Variants in SFXN1 observed in about 807,000 individuals in gnomAD.
The protein encoded by SFXN1 is sideroflexin 1.
In SFXN1, 32 loss-of-function variants were observed where a neutral mutation model predicts 39.5. The ratio of observed to expected loss-of-function variants is 0.81; its 90% confidence interval spans 0.61 to 1.09. SFXN1 has a LOEUF of 1.09. Among genes scored for constraint, SFXN1 ranks in the 50% least tolerant of loss-of-function variants. The pLI, the probability that SFXN1 is intolerant of heterozygous loss-of-function variation, is 0.00. For synonymous variants in SFXN1, 136 were observed against 146.5 expected (o/e 0.93, Z 0.52); for missense variants, 402 against 407.1 (o/e 0.99, Z 0.11).
intron 1 of SFXN1, among the ~76,000 whole-genome samples, chr5:175,479,496 AC>A (rs967938479): frequency 6.6e-6 from 1 of 151,592 alleles, no homozygotes. Context: ...CTAAAATTGC[AC>A]CCCCCATCCC....
intron 2 of SFXN1, among the ~76,000 whole-genome samples, chr5:175,503,693 A>G (rs919829503): frequency 1.3e-5 from 2 of 152,298 alleles, no homozygotes; most frequent in Admixed American, 6.5e-5. Context: ...TGAACTTCCC[A>G]AAAAGACCTC....
At chr5:175,481,192 AT>A (rs768840797) in intron 1 of SFXN1, among the ~76,000 whole-genome samples, 1 of 151,818 alleles carries the variant, frequency 6.6e-6, no homozygotes, top group Non-Finnish European at 1.5e-5. Flanking sequence ...AAATCAGAAG[AT>A]TTTTTTTTAA....
intron 2 of SFXN1, among the ~76,000 whole-genome samples, chr5:175,493,965 G>A (rs150126289): frequency 1.7e-3 from 257 of 152,284 alleles, no homozygotes; most frequent in African/African-American, 6.0e-3. Flanking sequence ...AGGCCAGGCC[G>A]TGGACTGGTG....
chr5:175,526,665 C>A lies in SFXN1; in HGVS notation c.900C>A (p.Ala300=), dbSNP rs763997548. The change falls in exon 11 of 11, where the codon GCC becomes GCA. Residue 300 remains alanine (A), a synonymous_variant. Transcript: ENST00000321442. ...CCATGTCTGTGACAAGCTTGGAGGC[C>A]GAGTTGCAAGCTAAGATCCAAGAGA... is the stretch of plus-strand genomic sequence containing the variant. ...KSSMSVTSLE[A]ELQAKIQESH... is the part of the protein sequence containing the mutation. 11 of 1,614,032 alleles carry A rather than the reference C, an allele frequency of 6.8e-6. No individual in the cohort carries two copies. The highest frequency in any genetic ancestry group is 1.7e-5 in the Admixed American group (1 of 60,008).
At chr5:175,508,905 G>C (rs1299943194) in intron 2 of SFXN1, 127 bp from the exon 3 acceptor site, 2 of 795,876 alleles carry the variant, frequency 2.5e-6, no homozygotes, top group Non-Finnish European at 3.9e-6. Context: ...AAAGTGCTGG[G>C]ATTACAGACG....
chr5:175,509,327 A>G lies in SFXN1; in HGVS notation c.335+125A>G, dbSNP rs896958500. The G allele has an allele frequency of 5.6e-6, 5 of 898,866 alleles. No homozygotes were observed. The African/African-American group carries it at 8.7e-5, about 16-fold the overall frequency. The allele number at this position is 898,866 out of a possible 1,614,324, so 55.7% of individuals were successfully genotyped here. A position where few individuals can be genotyped will look rare whatever the true frequency, so the allele number is the denominator to read the frequency against. On this transcript the variant is annotated intron_variant, in intron 3 of 10. Transcript: ENST00000321442. Reference sequence around the variant, plus strand: ...AAGTATATGAAGTGACAAACAAGGTAATTAGCTTGATTGAATCATTCCGTA... The same window carrying G: ...AAGTATATGAAGTGACAAACAAGGTGATTAGCTTGATTGAATCATTCCGTA...
chr5:175,478,577 T>C lies in SFXN1; in HGVS notation c.-72T>C, dbSNP rs1196987524. On this transcript the variant is annotated 5_prime_UTR_variant, in exon 1 of 11. Transcript: ENST00000321442. ...GCCGTGGCGGGAGAAGCGTTTCCGG[T>C]GGCGGCGGAGGCTGCACTGAGCGGG... The C allele has an allele frequency of 6.6e-6, 1 of 151,096 alleles. No individual in the cohort carries two copies. Among genetic ancestry groups the C allele is most frequent in the Non-Finnish European group, 1.5e-5 (1 of 67,754 alleles). 9.4% of individuals were successfully genotyped at this position (151,096 alleles called of 1,614,324 possible). A position where few individuals can be genotyped will look rare whatever the true frequency, so the allele number is the denominator to read the frequency against.
intron 2 of SFXN1, among the ~76,000 whole-genome samples, chr5:175,493,142 A>G (rs906448146): frequency 6.6e-5 from 10 of 151,910 alleles, no homozygotes; most frequent in African/African-American, 2.4e-4. Context: ...AGTCCCAGCT[A>G]CTCGGGAGGC....
chr5:175,506,409 A>T (rs1162027700), intron 2 of SFXN1, among the ~76,000 whole-genome samples: 1 of 152,250 alleles, frequency 6.6e-6, no homozygotes, highest in Non-Finnish European at 1.5e-5. Flanking sequence ...CTAGTCAAGT[A>T]GAGAAAAAAG....
chr5:175,496,712 G>A (rs764300535), intron 2 of SFXN1, among the ~76,000 whole-genome samples: 4 of 152,132 alleles, frequency 2.6e-5, no homozygotes, highest in Non-Finnish European at 4.4e-5. Flanking sequence ...CCTGAAGCTT[G>A]CATGATGTAA....
intron 1 of SFXN1, 74 bp from the exon 2 acceptor site, chr5:175,492,021 G>T: frequency 8.5e-7 from 1 of 1,171,552 alleles, no homozygotes; most frequent in Non-Finnish European, 1.2e-6. Flanking sequence ...AAAAATTTAA[G>T]GTGACTGTAA....
chr5:175,522,603 G>C (rs1410300684), intron 10 of SFXN1, 181 bp downstream of exon 10: 1 of 530,100 alleles, frequency 1.9e-6, no homozygotes. Context: ...TCTAATTTCA[G>C]ATGCACCCAG....
At position 175,517,324 on chromosome 5, in the gene SFXN1, C is replaced by T. The variant is rs144256208; in HGVS notation, c.774+661C>T. 6.7e-3 allele frequency among the ~76,000 whole-genome samples: 1,024 copies of T among 152,050 alleles called. 12 individuals carry two copies. The highest frequency in any genetic ancestry group is 0.023 in the African/African-American group (967 of 41,462). On this transcript the variant is annotated intron_variant, in intron 8 of 10. Coordinates refer to ENST00000321442, the MANE Select transcript of SFXN1 (RefSeq NM_022754.7). Reference sequence around the variant, plus strand: ...TTTTTAGCTTTGCTTGATATTGTACCCTTTGATCATCATTTGGAAGTGTGC... The same window carrying T: ...TTTTTAGCTTTGCTTGATATTGTACTCTTTGATCATCATTTGGAAGTGTGC...
chr5:175,517,375 G>T, intron 8 of SFXN1, among the ~76,000 whole-genome samples: 1 of 151,932 alleles, frequency 6.6e-6, no homozygotes, highest in Non-Finnish European at 1.5e-5. Context: ...TCCCACCGAA[G>T]CCCCCTACCT....
intron 1 of SFXN1, among the ~76,000 whole-genome samples, chr5:175,485,333 G>T (rs2113260491): frequency 6.6e-6 from 1 of 152,340 alleles, no homozygotes; most frequent in South Asian, 2.1e-4. Context: ...GAGGTCAGAA[G>T]TCTAGAACAA....
chr5:175,522,412 C>T lies in SFXN1; in HGVS notation c.862C>T (p.Pro288Ser). 1.2e-6 allele frequency: 2 copies of T among 1,611,358 alleles called. No individual in the cohort carries two copies. Among genetic ancestry groups the T allele is most frequent in the Non-Finnish European group, 8.5e-7 (1 of 1,179,448 alleles). Residue 288 changes from proline to serine, a missense_variant, in exon 10 of 11, where the codon CCT (proline) becomes TCT (serine). Physicochemically the swap from Pro to Ser is moderately conservative, Grantham distance 74. Transcript: ENST00000321442. Reference protein sequence around the residue: ...FATPLCCALFPQKSSMSVTSL... With the variant: ...FATPLCCALFSQKSSMSVTSL... ...TACACCCCTGTGTTGTGCCCTGTTT[C>T]CTCAGAAAAGGTATGTATTTGTTAT...
chr5:175,495,348 G>A (rs984147329), intron 2 of SFXN1, among the ~76,000 whole-genome samples: 1 of 152,184 alleles, frequency 6.6e-6, no homozygotes, highest in African/African-American at 2.4e-5. Context: ...TTTAGTTGGG[G>A]AAGATGAAAA....
Position 175,511,511 on chromosome 5 carries a change from C to G in SFXN1, c.495C>G (p.Leu165=), listed in dbSNP as rs1317440706. ...GTGCCGTAGCAACAGCTCTAGGACT[C>G]AATGCATTGACCAAGGTACTCAGAT... The part of the protein sequence containing the change: ...TTGAVATALG[L]NALTKHVSPL... The change falls in exon 5 of 11, where the codon CTC becomes CTG. Residue 165 remains leucine, a synonymous_variant. Coordinates refer to ENST00000321442, the MANE Select transcript of SFXN1 (RefSeq NM_022754.7). 6.2e-7 allele frequency: 1 copy of G among 1,613,776 alleles called. No individual in the cohort carries two copies. The highest frequency in any genetic ancestry group is 1.7e-5 in the Admixed American group (1 of 59,972).
chr5:175,505,615 TAGAAAA>T (rs1760263977), intron 2 of SFXN1, among the ~76,000 whole-genome samples: 2 of 151,408 alleles, frequency 1.3e-5, no homozygotes, highest in South Asian at 4.2e-4. Context: ...TAAGGCATCT[TAGAAAA>T]AGAAAAAGAA....
Sources: allele counts gnomAD v4.1 joint callset (sites outside exome capture counted in the v4.1 genomes callset), GRCh38; gene constraint gnomAD v4.1.1; transcripts MANE v1.5; gene names NCBI Gene and HGNC (gene_info 2026-07-23, HGNC 2026-07-21).